The following ADCYAP1R1 variants were observed in gnomAD, a reference collection of about 807,000 sequenced individuals.
ADCYAP1R1 encodes pituitary adenylate cyclase-activating polypeptide type I receptor.
ADCYAP1R1 carries 44 observed loss-of-function variants against 67.6 expected under a neutral mutation model. The observed-to-expected ratio is 0.65, with a 90% confidence interval of 0.51 to 0.84. ADCYAP1R1 has a LOEUF of 0.84. Among genes scored for constraint, ADCYAP1R1 ranks in the 40% least tolerant of loss-of-function variants. ADCYAP1R1 has a pLI of 0.00. For synonymous variants in ADCYAP1R1, 222 were observed against 219.6 expected (o/e 1.01, Z -0.10); for missense variants, 477 against 587.9 (o/e 0.81, Z 1.95).
intron 1 of ADCYAP1R1, among the ~76,000 whole-genome samples, chr7:31,058,171 G>A (rs2077181833): frequency 6.6e-6 from 1 of 152,246 alleles, no homozygotes; most frequent in Admixed American, 6.5e-5. Flanking sequence ...CATCTCAAGA[G>A]CAGAGTTGCC....
intron 1 of ADCYAP1R1, among the ~76,000 whole-genome samples, chr7:31,056,097 C>G (rs1226409956): frequency 2.6e-5 from 4 of 152,204 alleles, no homozygotes; most frequent in Non-Finnish European, 5.9e-5. Context: ...GGGCATGCCC[C>G]TTGTTTCTAG....
At chr7:31,078,673 G>T (rs930802342) in intron 4 of ADCYAP1R1, among the ~76,000 whole-genome samples, 2 of 152,190 alleles carry the variant, frequency 1.3e-5, no homozygotes, top group Non-Finnish European at 2.9e-5. Flanking sequence ...CAGGCACAAG[G>T]CCCGTTGGGG....
chr7:31,073,933 G>A (rs751079019), intron 3 of ADCYAP1R1, among the ~76,000 whole-genome samples: 2 of 152,174 alleles, frequency 1.3e-5, no homozygotes, highest in African/African-American at 4.8e-5. Context: ...GCTCAGGCTG[G>A]GGACATAAGG....
At chr7:31,101,024 CT>C (rs1796413851) in intron 13 of ADCYAP1R1, among the ~76,000 whole-genome samples, 1 of 152,180 alleles carries the variant, frequency 6.6e-6, no homozygotes, top group South Asian at 2.1e-4. Context: ...TCATATGTTT[CT>C]GTTGCAAGAC....
intron 3 of ADCYAP1R1, among the ~76,000 whole-genome samples, chr7:31,073,602 C>T (rs1795080009): frequency 6.6e-6 from 1 of 152,214 alleles, no homozygotes; most frequent in East Asian, 1.9e-4. Context: ...TGGAAGGATT[C>T]AGCTCCAATC....
chr7:31,088,372 G>T (rs1302861068), intron 12 of ADCYAP1R1, among the ~76,000 whole-genome samples: 1 of 152,140 alleles, frequency 6.6e-6, no homozygotes, highest in African/African-American at 2.4e-5. Context: ...CAGTCAAATG[G>T]TCAAGATTTC....
At chr7:31,076,447 G>A (rs1795219727) in intron 3 of ADCYAP1R1, among the ~76,000 whole-genome samples, 1 of 152,132 alleles carries the variant, frequency 6.6e-6, no homozygotes. Context: ...GGAGCCGCTG[G>A]GCCCCCTAGA....
intron 1 of ADCYAP1R1, among the ~76,000 whole-genome samples, chr7:31,053,493 G>A (rs569159020): frequency 1.2e-4 from 18 of 152,322 alleles, no homozygotes; most frequent in Non-Finnish European, 1.5e-4. Flanking sequence ...GCTCAGAAGG[G>A]ACAGGGGAGC....
Position 31,085,290 on chromosome 7 carries a change from C to G in ADCYAP1R1, c.537-20C>G. On this transcript the variant is annotated intron_variant, in intron 8 of 15. Coordinates refer to ENST00000304166, the MANE Select transcript of ADCYAP1R1 (RefSeq NM_001118.5). ...GCTGTGGGGTCCAAGGCTTCTTTCT[C>G]CCCTGGCCCACTCATGTAGGAAGCT... The G allele has an allele frequency of 6.2e-7, 1 of 1,609,712 alleles. No homozygotes were observed. The highest frequency in any genetic ancestry group is 8.5e-7 in the Non-Finnish European group (1 of 1,178,016).
At chr7:31,096,585 C>T (rs1301579311) in intron 13 of ADCYAP1R1, among the ~76,000 whole-genome samples, 1 of 152,192 alleles carries the variant, frequency 6.6e-6, no homozygotes, top group South Asian at 2.1e-4. Flanking sequence ...CTGAGCAAAA[C>T]CCTGAGCTAG....
intron 13 of ADCYAP1R1, 61 bp from the exon 14 acceptor site, chr7:31,103,176 C>T (rs1466777986): frequency 1.4e-5 from 23 of 1,589,464 alleles, no homozygotes; most frequent in Admixed American, 1.0e-4. Flanking sequence ...CTCTGCCCTC[C>T]GTGGCTCTGG....
intron 3 of ADCYAP1R1, among the ~76,000 whole-genome samples, chr7:31,076,219 C>T (rs758702097): frequency 5.9e-5 from 9 of 152,194 alleles, no homozygotes; most frequent in Non-Finnish European, 1.2e-4. Flanking sequence ...CACCTGCATT[C>T]GGTCAGGGCC....
intron 4 of ADCYAP1R1, among the ~76,000 whole-genome samples, chr7:31,078,504 A>T (rs1005031416): frequency 6.6e-6 from 1 of 152,160 alleles, no homozygotes; most frequent in Non-Finnish European, 1.5e-5. Context: ...GTTAGCTGGG[A>T]TAATTGTCAC....
chr7:31,057,458 C>T (rs1794299920), intron 1 of ADCYAP1R1, among the ~76,000 whole-genome samples: 1 of 152,228 alleles, frequency 6.6e-6, no homozygotes, highest in African/African-American at 2.4e-5. Flanking sequence ...CACAGGTGCC[C>T]CAGCCTGGCC....
At chr7:31,056,890 C>G (rs551630972) in intron 1 of ADCYAP1R1, 1 of 152,298 alleles carries the variant, frequency 6.6e-6, no homozygotes, top group South Asian at 2.1e-4. Flanking sequence ...TGTTCCTTGA[C>G]ACCCTGGAAT....
intron 15 of ADCYAP1R1, 39 bp from the exon 16 acceptor site, chr7:31,106,457 T>TG: frequency 6.4e-7 from 1 of 1,567,348 alleles, no homozygotes; most frequent in Non-Finnish European, 8.7e-7. Flanking sequence ...CTGCAGAGGA[T>TG]GTCCATCTGG....
At chr7:31,104,498 G>A (rs1455198790) in intron 14 of ADCYAP1R1, among the ~76,000 whole-genome samples, 1 of 152,196 alleles carries the variant, frequency 6.6e-6, no homozygotes, top group African/African-American at 2.4e-5. Flanking sequence ...CTGTCCTGGA[G>A]GGTTCCTACC....
At chr7:31,055,184 G>A (rs181106479) in intron 1 of ADCYAP1R1, among the ~76,000 whole-genome samples, 4 of 152,288 alleles carry the variant, frequency 2.6e-5, no homozygotes, top group African/African-American at 7.2e-5. Flanking sequence ...ATAGTGACAA[G>A]CAACACCAGA....
At chr7:31,067,559 A>G (rs1794789460) in intron 3 of ADCYAP1R1, among the ~76,000 whole-genome samples, 1 of 152,130 alleles carries the variant, frequency 6.6e-6, no homozygotes, top group East Asian at 1.9e-4. Flanking sequence ...TTTTATAGAT[A>G]AGTGAACTGA....
Sources: gnomAD v4.1 joint callset for allele counts (sites outside exome capture counted in the v4.1 genomes callset) on GRCh38, gnomAD v4.1.1 for gene constraint, MANE v1.5 for transcripts, NCBI Gene and HGNC (gene_info 2026-07-23, HGNC 2026-07-21) for gene names.